DLC1: variants seen among roughly 807,000 people sequenced by gnomAD.
The protein encoded by DLC1 is rho GTPase-activating protein 7.
Under a neutral mutation model 140.3 loss-of-function variants are expected in DLC1, and 54 were observed. The observed-to-expected ratio is 0.38, with a 90% CI of 0.31 to 0.48. The LOEUF is 0.48. Ranked by LOEUF, DLC1 falls within the 20% of genes least tolerant of loss-of-function variation. DLC1 has a pLI of 0.96. For missense variants in DLC1, 2,536 were observed against 1,907.0 expected (o/e 1.33, Z -6.14); for synonymous variants, 986 against 728.1 (o/e 1.35, Z -5.70).
chr8:13,529,850 T>A (rs989641553), intron 1 of DLC1, among the ~76,000 whole-genome samples: 7 of 152,184 alleles, frequency 4.6e-5, no homozygotes, highest in African/African-American at 9.6e-5. Context: ...ATATTTTTTT[T>A]CTATTGTGAG....
chr8:13,109,111 A>C (rs508958), intron 7 of DLC1, among the ~76,000 whole-genome samples: 1 of 152,072 alleles, frequency 6.6e-6, no homozygotes, highest in Non-Finnish European at 1.5e-5. Flanking sequence ...TATCCCATCT[A>C]TCTGCCCCAA....
intron 3 of DLC1, among the ~76,000 whole-genome samples, chr8:13,398,503 G>T (rs1286926005): frequency 6.6e-6 from 1 of 150,816 alleles, no homozygotes; most frequent in Non-Finnish European, 1.5e-5. Flanking sequence ...GATGGCTCAT[G>T]CTTATAATCC....
chr8:13,307,073 G>T (rs1832468174), intron 4 of DLC1, among the ~76,000 whole-genome samples: 1 of 95,202 alleles, frequency 1.1e-5, no homozygotes, highest in Admixed American at 1.5e-4. Flanking sequence ...GACAGAGAGA[G>T]ACTCTGTCAA....
intron 2 of DLC1, among the ~76,000 whole-genome samples, chr8:13,434,851 T>C (rs955751920): frequency 2.6e-5 from 4 of 152,158 alleles, no homozygotes; most frequent in African/African-American, 9.6e-5. Flanking sequence ...GGCGAATTTT[T>C]GTATTTTCTG....
At chr8:13,353,504 T>A (rs1270829107) in intron 4 of DLC1, 1 of 152,006 alleles carries the variant, frequency 6.6e-6, no homozygotes, top group East Asian at 1.9e-4. Context: ...GTGAATGTTA[T>A]AATCAAAGAA....
intron 1 of DLC1, among the ~76,000 whole-genome samples, chr8:13,561,334 C>G (rs1035390282): frequency 2.0e-5 from 3 of 152,016 alleles, no homozygotes; most frequent in Non-Finnish European, 2.9e-5. Context: ...CCACACCTAG[C>G]TAAGTTTTTC....
chr8:13,142,873 A>C (rs1453121947), intron 5 of DLC1, among the ~76,000 whole-genome samples: 13 of 152,140 alleles, frequency 8.5e-5, no homozygotes, highest in Non-Finnish European at 1.0e-4. Flanking sequence ...AACATGGAGA[A>C]ACTCCATCTG....
rs778928186 is a variant in DLC1 at position 13,100,476 on chromosome 8, C to T, written c.1861G>A (p.Val621Ile). 3 of 1,613,164 alleles carry T rather than the reference C, an allele frequency of 1.9e-6. No individual in the cohort carries two copies. The highest frequency in any genetic ancestry group is 2.5e-6 in the Non-Finnish European group (3 of 1,179,986). ...EDAATPRTNSVISVCSSSNLA... is the reference protein window; with the variant it reads ...EDAATPRTNSIISVCSSSNLA... Reference sequence around the variant, plus strand: ...TTGCTGGAGGAGCAAACGCTGATGACGGAGTTAGTCCGGGGGGTGGCAGCA... The same window carrying T: ...TTGCTGGAGGAGCAAACGCTGATGATGGAGTTAGTCCGGGGGGTGGCAGCA... The change falls in exon 9 of 18, where the codon GTC becomes ATC. Residue 621 changes from valine to isoleucine, a missense_variant. Coordinates refer to ENST00000276297, the MANE Select transcript of DLC1 (RefSeq NM_182643.3).
rs150689623 is a variant in DLC1 at position 13,256,106 on chromosome 8, C to G, written c.1348+49163G>C. Among the ~76,000 whole-genome samples the G allele has an allele frequency of 3.8e-4, 58 of 152,194 alleles. 1 individual carries two copies. Among genetic ancestry groups the G allele is most frequent in the Middle Eastern group, 3.4e-3 (1 of 294 alleles). On this transcript the variant is annotated intron_variant, in intron 5 of 17. Coordinates refer to ENST00000276297, the MANE Select transcript of DLC1 (RefSeq NM_182643.3). ...AAGGTCTCAAGAGCTAGTTGAGACC[C>G]AGACTAAGGTTTACAAGGTAGACTT... is the stretch of plus-strand genomic sequence containing the variant.
chr8:13,129,170 C>G (rs920833989), intron 5 of DLC1, among the ~76,000 whole-genome samples: 1 of 152,228 alleles, frequency 6.6e-6, no homozygotes, highest in African/African-American at 2.4e-5. Context: ...GCTCATTCAA[C>G]GCAGTAACTC....
chr8:13,131,603 C>T (rs149304732), intron 5 of DLC1, among the ~76,000 whole-genome samples: 147 of 143,424 alleles, frequency 1.0e-3, no homozygotes, highest in African/African-American at 3.1e-3. Context: ...AGATTAATGA[C>T]TGCAAGCAGG....
chr8:13,133,127 C>A, intron 5 of DLC1: 3 of 1,459,964 alleles, frequency 2.1e-6, no homozygotes, highest in Middle Eastern at 2.0e-4. Flanking sequence ...CCCTGCCCCT[C>A]GTCACGGCCC....
chr8:13,548,081 C>T (rs1328011316), intron 1 of DLC1, among the ~76,000 whole-genome samples: 1 of 151,986 alleles, frequency 6.6e-6, no homozygotes, highest in Non-Finnish European at 1.5e-5. Flanking sequence ...TATTTGAATG[C>T]AAGAGTTACG....
chr8:13,145,365 T>G (rs1449732627), intron 5 of DLC1, among the ~76,000 whole-genome samples: 2 of 152,192 alleles, frequency 1.3e-5, no homozygotes, highest in Admixed American at 6.5e-5. Flanking sequence ...ATACAGTGAA[T>G]AAACGTATAC....
chr8:13,389,517 C>A (rs937385288), intron 4 of DLC1, among the ~76,000 whole-genome samples: 4 of 152,022 alleles, frequency 2.6e-5, no homozygotes, highest in Non-Finnish European at 5.9e-5. Flanking sequence ...TAAGCCTCTT[C>A]TTTTTTCTAA....
At chr8:13,236,422 G>T (rs1232892923) in intron 5 of DLC1, among the ~76,000 whole-genome samples, 1 of 152,040 alleles carries the variant, frequency 6.6e-6, no homozygotes. Context: ...TTGTAAATTG[G>T]CATTGAAAAC....
intron 4 of DLC1, among the ~76,000 whole-genome samples, chr8:13,329,498 A>G (rs1833500934): frequency 6.6e-6 from 1 of 152,162 alleles, no homozygotes; most frequent in South Asian, 2.1e-4. Flanking sequence ...GGTAAATTCT[A>G]TCAATAGCTA....
chr8:13,600,167 C>T (rs1220997731), intron 1 of DLC1, among the ~76,000 whole-genome samples: 2 of 151,786 alleles, frequency 1.3e-5, no homozygotes, highest in African/African-American at 4.8e-5. Context: ...GTATGTAATT[C>T]TCTATTATTT....
chr8:13,574,466 C>G (rs1327129422), intron 1 of DLC1, among the ~76,000 whole-genome samples: 1 of 151,934 alleles, frequency 6.6e-6, no homozygotes, highest in Non-Finnish European at 1.5e-5. Context: ...ATAGTTACAC[C>G]CATGAGATTC....
Sources: gnomAD v4.1 joint callset for allele counts (sites outside exome capture counted in the v4.1 genomes callset) on GRCh38, gnomAD v4.1.1 for gene constraint, MANE v1.5 for transcripts, NCBI Gene and HGNC (gene_info 2026-07-23, HGNC 2026-07-21) for gene names.